MCTP1: variants seen among roughly 807,000 people sequenced by gnomAD.
MCTP1 encodes the protein multiple C2 and transmembrane domain containing 1.
In MCTP1, 69 loss-of-function variants were observed where a neutral mutation model predicts 120.6. That is an observed-to-expected ratio of 0.57 (90% confidence interval 0.47 to 0.70). The LOEUF is 0.70. Among genes scored for constraint, MCTP1 ranks in the 30% least tolerant of loss-of-function variants. The pLI is 0.00. For synonymous variants in MCTP1, 529 were observed against 493.1 expected (o/e 1.07, Z -0.96); for missense variants, 1,203 against 1,248.8 (o/e 0.96, Z 0.55).
intron 1 of MCTP1, among the ~76,000 whole-genome samples, chr5:95,061,189 C>A (rs1415424069): frequency 2.0e-5 from 3 of 150,166 alleles, no homozygotes; most frequent in Non-Finnish European, 4.4e-5. Context: ...TCTTTTATGC[C>A]AAATACAGAC....
intron 1 of MCTP1, among the ~76,000 whole-genome samples, chr5:95,211,908 C>G (rs941271952): frequency 3.3e-5 from 5 of 152,064 alleles, no homozygotes; most frequent in African/African-American, 1.2e-4. Flanking sequence ...GGACCCTCAG[C>G]TGCAGGTCTG....
chr5:94,745,390 T>C (rs983219209), intron 19 of MCTP1, among the ~76,000 whole-genome samples: 1 of 152,248 alleles, frequency 6.6e-6, no homozygotes, highest in African/African-American at 2.4e-5. Flanking sequence ...TGTTTCCATT[T>C]CTTCTGGGAG....
At chr5:94,842,381 A>C (rs1791277833) in intron 17 of MCTP1, among the ~76,000 whole-genome samples, 1 of 152,196 alleles carries the variant, frequency 6.6e-6, no homozygotes, top group Non-Finnish European at 1.5e-5. Context: ...GATTGTGACT[A>C]TGAAAAAGGG....
intron 1 of MCTP1, among the ~76,000 whole-genome samples, chr5:95,205,237 G>C (rs1388291524): frequency 6.6e-6 from 1 of 151,842 alleles, no homozygotes; most frequent in Non-Finnish European, 1.5e-5. Flanking sequence ...AAATAAAATG[G>C]GGAAAAAATA....
chr5:95,036,294 T>A (rs1002338387), intron 1 of MCTP1, among the ~76,000 whole-genome samples: 3 of 152,214 alleles, frequency 2.0e-5, no homozygotes, highest in Non-Finnish European at 4.4e-5. Flanking sequence ...TATTTAATAC[T>A]TGAATTTTTG....
At chr5:94,712,651 G>A (rs975814238) in intron 20 of MCTP1, among the ~76,000 whole-genome samples, 2 of 152,020 alleles carry the variant, frequency 1.3e-5, no homozygotes, top group Non-Finnish European at 2.9e-5. Context: ...CCTGGTGTCT[G>A]GCTTTTCTGT....
rs373458229 is a variant in MCTP1, at chr5:94,738,691, T to C, written c.2611-23805A>G. Among the ~76,000 whole-genome samples, 4 of 152,208 alleles carry C rather than the reference T, an allele frequency of 2.6e-5. No homozygotes were observed. The East Asian group carries it at 5.8e-4, about 22-fold the overall frequency. On this transcript the variant is annotated intron_variant, in intron 19 of 22. Transcript: ENST00000515393. ...TTGTCTGCAGCCTGAGATGTACTCC[T>C]GATCTGTTTCTCCTGCCCTCTCATT...
At chr5:95,211,381 C>G (rs371955867) in intron 1 of MCTP1, among the ~76,000 whole-genome samples, 1 of 152,092 alleles carries the variant, frequency 6.6e-6, no homozygotes, top group Non-Finnish European at 1.5e-5. Flanking sequence ...TTTCTTTTTA[C>G]TCTTTTTTCT....
At position 95,054,832 on chromosome 5, in the gene MCTP1, C is replaced by A. The variant is rs1299582876; in HGVS notation, c.721-37348G>T. 2.6e-5 allele frequency among the ~76,000 whole-genome samples: 4 copies of A among 152,260 alleles called. No homozygotes were observed. The East Asian group carries it at 7.7e-4, about 29-fold the overall frequency. ...TTGTTTGTTTTTTGAAACAGTCTTG[C>A]TCTGTTGCCCAGGCTGGAGTGCAGT... On this transcript the variant is annotated intron_variant, in intron 1 of 22. Transcript: ENST00000515393.
chr5:94,991,031 T>C (rs538213360), intron 2 of MCTP1, among the ~76,000 whole-genome samples: 78 of 152,304 alleles, frequency 5.1e-4, no homozygotes, highest in African/African-American at 1.8e-3. Context: ...AATATCTAAT[T>C]GTAGATCAGA....
chr5:95,121,066 C>G (rs1168832231), intron 1 of MCTP1, among the ~76,000 whole-genome samples: 1 of 152,014 alleles, frequency 6.6e-6, no homozygotes, highest in Non-Finnish European at 1.5e-5. Context: ...ATCACGAAGT[C>G]AGGAGATCGA....
intron 1 of MCTP1, among the ~76,000 whole-genome samples, chr5:95,022,962 T>A (rs2153678815): frequency 6.6e-6 from 1 of 151,956 alleles, no homozygotes; most frequent in African/African-American, 2.4e-5. Flanking sequence ...GGTCTGAAAA[T>A]ATGTGCAGGA....
chr5:94,945,376 TG>T (rs1160380288), intron 3 of MCTP1, among the ~76,000 whole-genome samples: 2 of 152,246 alleles, frequency 1.3e-5, no homozygotes, highest in Non-Finnish European at 2.9e-5. Context: ...AAAATGCTTT[TG>T]TTTTTGTTTT....
intron 1 of MCTP1, among the ~76,000 whole-genome samples, chr5:95,213,266 G>A (rs1752620359): frequency 6.6e-6 from 1 of 152,094 alleles, no homozygotes. Flanking sequence ...ATTCACAATT[G>A]CTTCAAAGAG....
chr5:95,012,390 T>C (rs1836184337), intron 2 of MCTP1, among the ~76,000 whole-genome samples: 3 of 152,104 alleles, frequency 2.0e-5, no homozygotes, highest in Admixed American at 6.6e-5. Flanking sequence ...TTATGTATAG[T>C]TCTTTTTATC....
At chr5:95,050,926 A>G (rs1010514075) in intron 1 of MCTP1, among the ~76,000 whole-genome samples, 1 of 152,168 alleles carries the variant, frequency 6.6e-6, no homozygotes, top group African/African-American at 2.4e-5. Flanking sequence ...ACATACACAC[A>G]GGGAGAGTAC....
intron 17 of MCTP1, among the ~76,000 whole-genome samples, chr5:94,845,961 C>T (rs998453817): frequency 2.0e-5 from 3 of 152,132 alleles, no homozygotes; most frequent in African/African-American, 2.4e-5. Context: ...TACCATCTCA[C>T]ACCAGTCAGA....
intron 1 of MCTP1, among the ~76,000 whole-genome samples, chr5:95,189,932 T>C (rs1009623924): frequency 1.3e-5 from 2 of 152,058 alleles, no homozygotes; most frequent in Admixed American, 6.6e-5. Flanking sequence ...AATTAACAAA[T>C]AGAGCAGGAG....
At chr5:95,165,582 G>A (rs1746231556) in intron 1 of MCTP1, among the ~76,000 whole-genome samples, 1 of 152,150 alleles carries the variant, frequency 6.6e-6, no homozygotes, top group Non-Finnish European at 1.5e-5. Context: ...TTACAACTGA[G>A]GACTCCTCAG....
Sources: gnomAD v4.1 joint callset for allele counts (sites outside exome capture counted in the v4.1 genomes callset) on GRCh38, gnomAD v4.1.1 for gene constraint, MANE v1.5 for transcripts, NCBI Gene and HGNC (gene_info 2026-07-23, HGNC 2026-07-21) for gene names.